The following CFAP54 variants were observed in gnomAD, a reference collection of about 807,000 sequenced individuals.
The protein encoded by CFAP54 is cilia- and flagella-associated protein 54.
In CFAP54, 290 loss-of-function variants were observed where a neutral mutation model predicts 370.4. The observed-to-expected ratio is 0.78, with a 90% CI of 0.71 to 0.86. CFAP54 has a LOEUF of 0.86. CFAP54 is among the 40% of genes least tolerant of loss of function. The pLI is 0.00. For missense variants in CFAP54, 3,399 were observed against 3,528.7 expected (o/e 0.96, Z 0.93); for synonymous variants, 1,206 against 1,236.5 (o/e 0.98, Z 0.52).
rs549025803 is a variant in CFAP54, at chr12:96,496,063, A to G, written c.318-4771A>G. 1.1e-4 allele frequency among the ~76,000 whole-genome samples: 17 copies of G among 152,314 alleles called. No individual in the cohort carries two copies. In the South Asian group the frequency reaches 3.5e-3, roughly 32 times the overall value. On this transcript the variant is annotated intron_variant, in intron 1 of 67. Coordinates refer to ENST00000524981, the MANE Select transcript of CFAP54 (RefSeq NM_001306084.2). ...GCAAACAAAACACCTCTCCCCTTTT[A>G]AATGTCTGTGGTTTATATTTGCTAT...
chr12:96,826,894 G>GC (rs1273609339), intron 65 of CFAP54, among the ~76,000 whole-genome samples: 1 of 111,948 alleles, frequency 8.9e-6, no homozygotes, highest in East Asian at 2.3e-4. Context: ...AATATTATAT[G>GC]ATATATTATA....
chr12:96,598,511 T>A, intron 25 of CFAP54, 134 bp from the exon 26 acceptor site: 2 of 432,088 alleles, frequency 4.6e-6, no homozygotes, highest in Non-Finnish European at 8.2e-6. Context: ...TTATTCCTAA[T>A]AAACAATTTA....
chr12:96,755,908 C>T (rs11108672), intron 56 of CFAP54, among the ~76,000 whole-genome samples: 55,007 of 151,754 alleles, frequency 0.36, 10,839 homozygotes, highest in East Asian at 0.58. Context: ...CCTTGTGATC[C>T]GCCCTCCTCA....
At chr12:96,712,284 CATT>C (rs1191922236) in intron 48 of CFAP54, among the ~76,000 whole-genome samples, 1 of 152,042 alleles carries the variant, frequency 6.6e-6, no homozygotes, top group East Asian at 1.9e-4. Context: ...GCTAGTGTGT[CATT>C]ATCATTTATT....
intron 66 of CFAP54, among the ~76,000 whole-genome samples, chr12:96,829,889 C>G (rs924272982): frequency 6.6e-6 from 1 of 152,082 alleles, no homozygotes; most frequent in South Asian, 2.1e-4. Flanking sequence ...TCCTCCCCCA[C>G]CACCCCAGCT....
chr12:96,664,793 A>ATCTATATCTATATCTATC, intron 39 of CFAP54, among the ~76,000 whole-genome samples: 1 of 26,176 alleles, frequency 3.8e-5, no homozygotes, highest in South Asian at 1.1e-3. Flanking sequence ...ATATATATAT[A>ATCTATATCTATATCTATC]TATATATATA....
intron 60 of CFAP54, among the ~76,000 whole-genome samples, chr12:96,773,314 ACTT>A (rs911067711): frequency 7.9e-5 from 12 of 152,124 alleles, no homozygotes; most frequent in Admixed American, 5.2e-4. Context: ...TAAAAACCAC[ACTT>A]CTTCTGCCAG....
chr12:96,590,051 AACTT>A (rs1290206918), intron 23 of CFAP54, among the ~76,000 whole-genome samples: 7 of 152,204 alleles, frequency 4.6e-5, no homozygotes, highest in African/African-American at 1.7e-4. Flanking sequence ...CCGGCCAAGA[AACTT>A]TCTTTCTAGA....
In CFAP54 at chr12:96,743,482, G is replaced by A. The variant is rs1359018241; in HGVS notation, c.7300G>A (p.Ala2434Thr). ...AAGCGCAGGGGACACGGAACTGCAG[G>A]CTGAATTCTTGACGCAAGCTGTAAT... Reference protein sequence around the residue: ...AKSAGDTELQAEFLTQAVILG... With the variant: ...AKSAGDTELQTEFLTQAVILG... The change falls in exon 53 of 68, where the codon GCT (alanine) becomes ACT (threonine). Residue 2434 changes from alanine to threonine, a missense_variant. By Grantham distance (58) the Ala-to-Thr change is moderately conservative. This residue lies in a region of CFAP54 where 2,796 missense variants were observed against 2,869.7 expected (regional missense o/e 0.97). Transcript: ENST00000524981. 3 of 1,613,970 alleles carry A rather than the reference G, an allele frequency of 1.9e-6. No individual in the cohort carries two copies. Among genetic ancestry groups the A allele is most frequent in the Admixed American group, 1.7e-5 (1 of 59,994 alleles).
intron 63 of CFAP54, among the ~76,000 whole-genome samples, chr12:96,800,486 G>A (rs564053729): frequency 6.6e-6 from 1 of 152,278 alleles, no homozygotes; most frequent in East Asian, 1.9e-4. Flanking sequence ...CAATAAGCAT[G>A]TATGTATTGG....
chr12:96,824,169 C>A (rs1197250486), intron 65 of CFAP54, among the ~76,000 whole-genome samples: 1 of 152,176 alleles, frequency 6.6e-6, no homozygotes, highest in Non-Finnish European at 1.5e-5. Flanking sequence ...CGCTTTCTGG[C>A]TGGGACAGGC....
At chr12:96,849,357 T>A (rs1959469523) in intron 66 of CFAP54, among the ~76,000 whole-genome samples, 1 of 152,224 alleles carries the variant, frequency 6.6e-6, no homozygotes, top group African/African-American at 2.4e-5. Context: ...ACTTATCAAT[T>A]AAAAGAATAG....
At chr12:96,729,197 G>T (rs1957884222) in intron 50 of CFAP54, among the ~76,000 whole-genome samples, 2 of 152,164 alleles carry the variant, frequency 1.3e-5, no homozygotes, top group South Asian at 2.1e-4. Context: ...GAGAACCACT[G>T]CTCCCTTCAA....
chr12:96,595,647 C>G (rs1419972507), intron 25 of CFAP54, among the ~76,000 whole-genome samples: 1 of 152,114 alleles, frequency 6.6e-6, no homozygotes. Context: ...GTGTCTCCTC[C>G]TACATTCCCT....
chr12:96,661,997 C>T (rs925943797), intron 38 of CFAP54, among the ~76,000 whole-genome samples: 1 of 152,194 alleles, frequency 6.6e-6, no homozygotes, highest in Admixed American at 6.5e-5. Context: ...TGCTCTCACA[C>T]CCCACTTCCA....
At chr12:96,614,818 T>C (rs1423449937) in intron 26 of CFAP54, among the ~76,000 whole-genome samples, 1 of 152,128 alleles carries the variant, frequency 6.6e-6, no homozygotes, top group East Asian at 1.9e-4. Context: ...GTGAAGGACC[T>C]CTTCAAGGAG....
chr12:96,765,305 G>T (rs780393293), intron 60 of CFAP54, 87 bp downstream of exon 60: 2 of 1,243,340 alleles, frequency 1.6e-6, no homozygotes, highest in Admixed American at 4.6e-5. Flanking sequence ...TAATTTGTTG[G>T]CTTTTAGCTT....
chr12:96,801,467 C>T (rs551424908), intron 63 of CFAP54, among the ~76,000 whole-genome samples: 1 of 152,174 alleles, frequency 6.6e-6, no homozygotes, highest in South Asian at 2.1e-4. Flanking sequence ...AATGAACCTC[C>T]CAGACAATGG....
intron 45 of CFAP54, among the ~76,000 whole-genome samples, chr12:96,695,799 T>G (rs1957434869): frequency 6.6e-6 from 1 of 152,198 alleles, no homozygotes; most frequent in South Asian, 2.1e-4. Flanking sequence ...TGGTAGATAT[T>G]TATTGATGTA....
Sources: gnomAD v4.1 joint callset for allele counts (sites outside exome capture counted in the v4.1 genomes callset) on GRCh38, gnomAD v4.1.1 for gene constraint, gnomAD v4.1.1 regional missense constraint, MANE v1.5 for transcripts, NCBI Gene and HGNC (gene_info 2026-07-23, HGNC 2026-07-21) for gene names.